The following DSCAM variants were observed in gnomAD, a reference collection of about 807,000 sequenced individuals.
DSCAM encodes the protein cell adhesion molecule DSCAM.
DSCAM carries 47 observed loss-of-function variants against 217.7 expected under a neutral mutation model. The ratio of observed to expected loss-of-function variants is 0.22; its 90% CI spans 0.17 to 0.28. The LOEUF is 0.28. Among genes scored for constraint, DSCAM ranks in the 10% least tolerant of loss-of-function variants. The probability of loss-of-function intolerance (pLI) is 1.00; values close to 1 mark genes in which losing one functional copy is unlikely to be tolerated. For missense variants in DSCAM, 2,080 were observed against 2,618.3 expected (o/e 0.79, Z 4.49); for synonymous variants, 1,056 against 1,015.3 (o/e 1.04, Z -0.76).
chr21:40,731,300 A>T (rs1480598819), intron 1 of DSCAM, among the ~76,000 whole-genome samples: 2 of 152,242 alleles, frequency 1.3e-5, no homozygotes, highest in Non-Finnish European at 2.9e-5. Flanking sequence ...GTTAACAAGA[A>T]GACAATTTCA....
chr21:40,125,253 G>C (rs114695556), intron 19 of DSCAM, among the ~76,000 whole-genome samples: 30 of 152,302 alleles, frequency 2.0e-4, no homozygotes, highest in African/African-American at 6.7e-4. Context: ...TGAGATTGAA[G>C]GCATGTCCCA....
At chr21:40,748,315 T>C (rs1429785773) in intron 1 of DSCAM, among the ~76,000 whole-genome samples, 2 of 150,642 alleles carry the variant, frequency 1.3e-5, no homozygotes, top group Non-Finnish European at 3.0e-5. Context: ...ATTAGATAGA[T>C]GGTTAGAGAA....
chr21:40,542,475 G>C (rs1386500206), intron 3 of DSCAM, among the ~76,000 whole-genome samples: 1 of 152,196 alleles, frequency 6.6e-6, no homozygotes, highest in African/African-American at 2.4e-5. Context: ...GTATTAGGAG[G>C]TGGGGCCTTT....
chr21:40,027,409 T>C (rs2088413122), intron 32 of DSCAM, among the ~76,000 whole-genome samples: 1 of 151,882 alleles, frequency 6.6e-6, no homozygotes, highest in Non-Finnish European at 1.5e-5. Flanking sequence ...ATTTCCTGAA[T>C]CTGAACTTTG....
chr21:40,335,900 C>T (rs895199752), intron 8 of DSCAM, among the ~76,000 whole-genome samples: 5 of 152,058 alleles, frequency 3.3e-5, no homozygotes, highest in Admixed American at 3.3e-4. Flanking sequence ...GACTGCTGGG[C>T]GTTACCATGA....
chr21:40,346,427 A>C (rs536603131), intron 6 of DSCAM, among the ~76,000 whole-genome samples: 12 of 152,374 alleles, frequency 7.9e-5, no homozygotes, highest in Admixed American at 3.3e-4. Context: ...AGATATATTT[A>C]AACTTACTTT....
At chr21:40,242,735 G>A (rs1246253682) in intron 11 of DSCAM, among the ~76,000 whole-genome samples, 1 of 152,188 alleles carries the variant, frequency 6.6e-6, no homozygotes, top group East Asian at 1.9e-4. Flanking sequence ...GGGATCCTGA[G>A]CCCACAATAA....
At chr21:40,142,797 G>A in intron 17 of DSCAM, 93 bp from the exon 18 acceptor site, 6 of 1,435,638 alleles carry the variant, frequency 4.2e-6, no homozygotes, top group South Asian at 1.5e-5. Context: ...ATTTCAATAT[G>A]CAAGCAAAAA....
chr21:40,155,669 T>G (rs1346530752), intron 16 of DSCAM, among the ~76,000 whole-genome samples: 1 of 152,128 alleles, frequency 6.6e-6, no homozygotes, highest in African/African-American at 2.4e-5. Flanking sequence ...TGTCTGATTC[T>G]GGAAGCTCTG....
intron 8 of DSCAM, among the ~76,000 whole-genome samples, chr21:40,334,159 C>G (rs1177674721): frequency 6.6e-6 from 1 of 152,138 alleles, no homozygotes; most frequent in Non-Finnish European, 1.5e-5. Flanking sequence ...GGGTCCTGTT[C>G]AGGCCTTGGT....
intron 3 of DSCAM, among the ~76,000 whole-genome samples, chr21:40,531,764 C>T (rs1484502933): frequency 6.6e-6 from 1 of 152,208 alleles, no homozygotes; most frequent in African/African-American, 2.4e-5. Flanking sequence ...GCAGGTCTTG[C>T]CCCCATTCCT....
chr21:40,124,953 T>A (rs2090078600), intron 19 of DSCAM, among the ~76,000 whole-genome samples: 1 of 152,134 alleles, frequency 6.6e-6, no homozygotes, highest in African/African-American at 2.4e-5. Context: ...TGGATCAGTC[T>A]CATTTCTGCT....
intron 8 of DSCAM, among the ~76,000 whole-genome samples, chr21:40,319,123 C>A (rs2074232383): frequency 6.6e-6 from 1 of 152,168 alleles, no homozygotes; most frequent in African/African-American, 2.4e-5. Flanking sequence ...TGAAATACCA[C>A]ATTTGAATTT....
intron 11 of DSCAM, among the ~76,000 whole-genome samples, chr21:40,226,613 G>C (rs934274510): frequency 1.3e-5 from 2 of 152,148 alleles, no homozygotes; most frequent in East Asian, 1.9e-4. Flanking sequence ...ATTGTGTCAG[G>C]CTGTAACAAA....
intron 13 of DSCAM, among the ~76,000 whole-genome samples, chr21:40,187,648 C>CA (rs1457074568): frequency 6.6e-6 from 1 of 152,214 alleles, no homozygotes; most frequent in African/African-American, 2.4e-5. Context: ...GCTTGACTGT[C>CA]ATGGGCTTGT....
At chr21:40,671,912 C>T (rs2146402893) in intron 3 of DSCAM, among the ~76,000 whole-genome samples, 1 of 152,292 alleles carries the variant, frequency 6.6e-6, no homozygotes, top group East Asian at 1.9e-4. Context: ...AAAAATACCA[C>T]AGGCAGGATG....
intron 3 of DSCAM, among the ~76,000 whole-genome samples, chr21:40,448,360 A>C (rs1203350910): frequency 6.6e-6 from 1 of 152,146 alleles, no homozygotes; most frequent in East Asian, 1.9e-4. Context: ...CTCCTCCTGC[A>C]ATGGACATCG....
At chr21:40,239,893 G>C (rs147078380) in intron 11 of DSCAM, among the ~76,000 whole-genome samples, 3 of 152,258 alleles carry the variant, frequency 2.0e-5, no homozygotes, top group Admixed American at 2.0e-4. Flanking sequence ...CCCATTCCAG[G>C]GGGTACATAC....
In DSCAM at chr21:40,077,057, T is replaced by C. The variant is rs533778632; in HGVS notation, c.4711+1630A>G. 1.8e-4 allele frequency among the ~76,000 whole-genome samples: 27 copies of C among 152,266 alleles called. 1 individual carries two copies. The East Asian group carries it at 5.2e-3, about 29-fold the overall frequency. Reference sequence around the variant, plus strand: ...GTGATGGGGACACCTTTGAATGAAGTCACTGAAGAGTGAGGGCTATAAAAT... The same window carrying C: ...GTGATGGGGACACCTTTGAATGAAGCCACTGAAGAGTGAGGGCTATAAAAT... On this transcript the variant is annotated intron_variant, in intron 26 of 32. Coordinates refer to ENST00000400454, the MANE Select transcript of DSCAM (RefSeq NM_001389.5).
Sources: allele counts gnomAD v4.1 joint callset (sites outside exome capture counted in the v4.1 genomes callset), GRCh38; gene constraint gnomAD v4.1.1; transcripts MANE v1.5; gene names NCBI Gene and HGNC (gene_info 2026-07-23, HGNC 2026-07-21).